Variants in PLCE1 observed in about 807,000 individuals in gnomAD.
PLCE1 encodes the protein 1-phosphatidylinositol 4,5-bisphosphate phosphodiesterase epsilon-1.
PLCE1 carries 119 observed loss-of-function variants against 242.8 expected under a neutral mutation model. That is an observed-to-expected ratio of 0.49 (90% confidence interval 0.42 to 0.57). PLCE1 has a LOEUF of 0.57. Ranked by LOEUF, PLCE1 falls within the 20% of genes least tolerant of loss-of-function variation. The pLI, the probability that PLCE1 is intolerant of heterozygous loss-of-function variation, is 0.00. For synonymous variants in PLCE1, 945 were observed against 1,017.4 expected (o/e 0.93, Z 1.35); for missense variants, 2,441 against 2,788.8 (o/e 0.88, Z 2.81).
At chr10:94,211,927 T>C (rs985410928) in intron 4 of PLCE1, among the ~76,000 whole-genome samples, 2 of 152,174 alleles carry the variant, frequency 1.3e-5, no homozygotes, top group African/African-American at 2.4e-5. Flanking sequence ...CCTGTCAATA[T>C]TGCAGCATTA....
At chr10:94,325,353 C>T in intron 32 of PLCE1, 1 of 395,012 alleles carries the variant, frequency 2.5e-6, no homozygotes, top group Non-Finnish European at 4.8e-6. Context: ...AATCCCAGCA[C>T]TTTGGGAGGC....
chr10:94,179,357 G>A (rs550744298), intron 4 of PLCE1, among the ~76,000 whole-genome samples: 70 of 152,142 alleles, frequency 4.6e-4, no homozygotes, highest in Admixed American at 3.7e-3. Context: ...AGAGTAACAC[G>A]TAGGGCTGAG....
At chr10:94,002,858 T>G (rs2134190700) in intron 1 of PLCE1, among the ~76,000 whole-genome samples, 1 of 152,354 alleles carries the variant, frequency 6.6e-6, no homozygotes, top group African/African-American at 2.4e-5. Context: ...GGATCCTAGA[T>G]TCCTTGCTTA....
chr10:94,194,216 A>G (rs1382812094), intron 4 of PLCE1, among the ~76,000 whole-genome samples: 1 of 152,178 alleles, frequency 6.6e-6, no homozygotes, highest in East Asian at 1.9e-4. Context: ...CCCAGAACCA[A>G]ATTTCTTAAT....
In PLCE1 at chr10:94,171,379, C is replaced by T; in HGVS notation, c.1692C>T (p.Gly564=). The change falls in exon 4 of 33, where the codon GGC becomes GGT. Residue 564 remains glycine, a synonymous_variant. Coordinates refer to ENST00000371380, the MANE Select transcript of PLCE1 (RefSeq NM_016341.4). The part of the protein sequence containing the change: ...DYLCFLTRDL[G]TPECQSSLPC... ...TTTGCTTCTTAACACGGGACTTGGG[C>T]ACTCCTGAATGCCAGAGCTCCTTGC... is the stretch of plus-strand genomic sequence containing the variant. The T allele has an allele frequency of 6.2e-7, 1 of 1,614,184 alleles. No homozygotes were observed. The highest frequency in any genetic ancestry group is 8.5e-7 in the Non-Finnish European group (1 of 1,180,020).
chr10:94,018,523 A>G (rs1029373508), intron 1 of PLCE1, among the ~76,000 whole-genome samples: 1 of 152,152 alleles, frequency 6.6e-6, no homozygotes, highest in African/African-American at 2.4e-5. Context: ...CCTCTTCTAC[A>G]GACTATGACA....
chr10:94,139,459 A>T (rs1267908722), intron 3 of PLCE1: 1 of 159,642 alleles, frequency 6.3e-6, no homozygotes, highest in African/African-American at 2.4e-5. Context: ...AAGACCAAGG[A>T]GAAGCCAGAG....
intron 8 of PLCE1, among the ~76,000 whole-genome samples, chr10:94,248,729 C>T (rs2050775297): frequency 6.6e-6 from 1 of 151,744 alleles, no homozygotes; most frequent in Admixed American, 6.6e-5. Flanking sequence ...TACAGCTATT[C>T]CTTGGCCTTC....
At chr10:94,191,327 T>G (rs1441879358) in intron 4 of PLCE1, among the ~76,000 whole-genome samples, 1 of 152,072 alleles carries the variant, frequency 6.6e-6, no homozygotes, top group African/African-American at 2.4e-5. Context: ...AGAAAAACCA[T>G]GTTGTACAAC....
At chr10:94,191,671 A>AT (rs1214225014) in intron 4 of PLCE1, among the ~76,000 whole-genome samples, 13 of 152,274 alleles carry the variant, frequency 8.5e-5, no homozygotes, top group Middle Eastern at 6.8e-3. Context: ...AAGGAAAAAA[A>AT]GAAACTTGGA....
intron 20 of PLCE1, among the ~76,000 whole-genome samples, chr10:94,280,854 T>C (rs1321734085): frequency 1.3e-5 from 2 of 152,202 alleles, no homozygotes; most frequent in African/African-American, 4.8e-5. Flanking sequence ...TCTCCAGTCA[T>C]AGTTCAGTTT....
At chr10:94,102,916 T>A (rs1271540160) in intron 2 of PLCE1, among the ~76,000 whole-genome samples, 2 of 152,188 alleles carry the variant, frequency 1.3e-5, no homozygotes, top group Admixed American at 1.3e-4. Flanking sequence ...TCAGGCATAG[T>A]TTAAAATAGT....
chr10:94,197,624 G>A (rs2048860416), intron 4 of PLCE1, among the ~76,000 whole-genome samples: 2 of 152,096 alleles, frequency 1.3e-5, no homozygotes, highest in South Asian at 4.1e-4. Flanking sequence ...TATCTTCTTT[G>A]GATAAATCTC....
chr10:94,311,290 C>G (rs1471742551), intron 27 of PLCE1, among the ~76,000 whole-genome samples: 4 of 152,210 alleles, frequency 2.6e-5, no homozygotes, highest in African/African-American at 9.6e-5. Flanking sequence ...TGAGGTCTGG[C>G]AGCAGGGCTG....
At chr10:94,277,037 C>T (rs1456945746) in intron 19 of PLCE1, among the ~76,000 whole-genome samples, 1 of 152,126 alleles carries the variant, frequency 6.6e-6, no homozygotes, top group Non-Finnish European at 1.5e-5. Context: ...GGGCTCAGAC[C>T]TACCCGCTAA....
At position 94,305,047 on chromosome 10, in the gene PLCE1, C is replaced by T. The variant is rs145767145; in HGVS notation, c.5622+402C>T. On this transcript the variant is annotated intron_variant, in intron 25 of 32. Coordinates refer to ENST00000371380, the MANE Select transcript of PLCE1 (RefSeq NM_016341.4). ...TAAATACAATTAAGTATATTTCCTC[C>T]GTATAATTTAACCTTTATCATTCCT... 4.4e-3 allele frequency among the ~76,000 whole-genome samples: 670 copies of T among 152,236 alleles called. 2 individuals are homozygous for T. The highest frequency in any genetic ancestry group is 6.7e-3 in the Non-Finnish European group (459 of 68,008).
intron 25 of PLCE1, among the ~76,000 whole-genome samples, chr10:94,305,915 T>C (rs752891203): frequency 4.6e-5 from 7 of 152,184 alleles, no homozygotes; most frequent in Non-Finnish European, 1.0e-4. Flanking sequence ...AAGTGAATGA[T>C]GTTGACAAAA....
At chr10:94,054,262 A>C (rs2043841547) in intron 2 of PLCE1, among the ~76,000 whole-genome samples, 1 of 152,168 alleles carries the variant, frequency 6.6e-6, no homozygotes. Flanking sequence ...ATTTAACCAA[A>C]CCTATTTTCT....
At chr10:94,113,982 C>T (rs962598061) in intron 2 of PLCE1, among the ~76,000 whole-genome samples, 1 of 152,188 alleles carries the variant, frequency 6.6e-6, no homozygotes, top group Non-Finnish European at 1.5e-5. Flanking sequence ...TGCACAGATA[C>T]ATGCATGTCT....
Sources: allele counts gnomAD v4.1 joint callset (sites outside exome capture counted in the v4.1 genomes callset), GRCh38; gene constraint gnomAD v4.1.1; transcripts MANE v1.5; gene names NCBI Gene and HGNC (gene_info 2026-07-23, HGNC 2026-07-21).